TMED3: variants seen among roughly 807,000 people sequenced by gnomAD.
TMED3 encodes transmembrane p24 trafficking protein 3.
A neutral mutation model predicts 15.0 loss-of-function variants in TMED3; 9 were observed. The observed-to-expected ratio is 0.60, with a 90% confidence interval of 0.36 to 1.04. The LOEUF is 1.04. TMED3 is among the 50% of genes least tolerant of loss of function. The pLI is 0.01. For synonymous variants in TMED3, 117 were observed against 121.4 expected, an observed-to-expected ratio of 0.96 and a Z score of 0.24; for missense variants, 267 against 278.9, an observed-to-expected ratio of 0.96 and a Z score of 0.30.
rs2058710752 is a variant in TMED3, at chr15:79,311,188, G to A, written c.-62G>A. The A allele has an allele frequency of 4.6e-6, 7 of 1,514,592 alleles. No individual in the cohort carries two copies. In the Admixed American group the frequency reaches 8.0e-5, roughly 17 times the overall value. 93.8% of individuals were successfully genotyped at this position (1,514,592 alleles called of 1,614,324 possible). ...TCCTAGGACCCGGTCGGTAGTCGTC[G>A]CCCCAGCCCGCCGGGGGCGCAGCGC... On this transcript the variant is annotated 5_prime_UTR_variant, in exon 1 of 3. Transcript: ENST00000299705.
chr15:79,409,138 C>T (rs545229576), intron 2 of TMED3, among the ~76,000 whole-genome samples: 1 of 152,294 alleles, frequency 6.6e-6, no homozygotes, highest in South Asian at 2.1e-4. Context: ...TGCCTGGCAA[C>T]ACATTTCCAA....
chr15:79,350,742 A>G (rs1026914801), intron 2 of TMED3, among the ~76,000 whole-genome samples: 1 of 152,170 alleles, frequency 6.6e-6, no homozygotes, highest in African/African-American at 2.4e-5. Flanking sequence ...AGTCAAGTTG[A>G]CACTCAATAT....
In TMED3 at chr15:79,311,245, G is replaced by C. The variant is rs758848068; in HGVS notation, c.-5G>C. 1 of 1,596,430 alleles carries C rather than the reference G, an allele frequency of 6.3e-7. No individual in the cohort carries two copies. Among genetic ancestry groups the C allele is most frequent in the East Asian group, 2.3e-5 (1 of 44,052 alleles). On this transcript the variant is annotated 5_prime_UTR_variant, in exon 1 of 3. Coordinates refer to ENST00000299705, the MANE Select transcript of TMED3 (RefSeq NM_007364.4). Reference sequence around the variant, plus strand: ...CGCGGCCCTCGAGACGGGACCGAGAGCATCATGGGCAGCACTGTCCCGCGC... The same window carrying C: ...CGCGGCCCTCGAGACGGGACCGAGACCATCATGGGCAGCACTGTCCCGCGC...
intron 2 of TMED3, among the ~76,000 whole-genome samples, chr15:79,333,667 T>G (rs985916669): frequency 6.6e-6 from 1 of 152,210 alleles, no homozygotes; most frequent in African/African-American, 2.4e-5. Context: ...TTCACATGTT[T>G]TGTTGGGCTA....
rs1197675933 is a variant in TMED3 at position 79,322,638 on chromosome 15, G to T, written c.*424G>T. 1 of 991,886 alleles carries T rather than the reference G, an allele frequency of 1.0e-6. No homozygotes were observed. 61.4% of individuals were successfully genotyped at this position (991,886 alleles called of 1,614,324 possible). A position where few individuals can be genotyped will look rare whatever the true frequency, so the allele number is the denominator to read the frequency against. Reference sequence around the variant, plus strand: ...GGAGAAGAAAGGGGCTCTAAGTTCTGGCTCTTCTTTCTTTGGGGTTCTCTG... The same window carrying T: ...GGAGAAGAAAGGGGCTCTAAGTTCTTGCTCTTCTTTCTTTGGGGTTCTCTG... On this transcript the variant is annotated 3_prime_UTR_variant, in exon 3 of 3. Transcript: ENST00000299705.
intron 2 of TMED3, chr15:79,316,162 G>A (rs1261252560): frequency 1.3e-5 from 2 of 152,320 alleles, no homozygotes; most frequent in African/African-American, 4.8e-5. Context: ...CAGAGGCCAT[G>A]GTTTCTGGCA....
chr15:79,340,556 C>T (rs1343559820), intron 2 of TMED3, among the ~76,000 whole-genome samples: 1 of 152,238 alleles, frequency 6.6e-6, no homozygotes, highest in East Asian at 1.9e-4. Flanking sequence ...TGAGATAATT[C>T]GTTATGCAGC....
At chr15:79,360,241 G>A (rs1385737349) in intron 2 of TMED3, among the ~76,000 whole-genome samples, 3 of 152,130 alleles carry the variant, frequency 2.0e-5, no homozygotes, top group Non-Finnish European at 2.9e-5. Flanking sequence ...CAACTGTTGA[G>A]GGTTGAGCTG....
chr15:79,364,032 T>G (rs897480722), intron 2 of TMED3, among the ~76,000 whole-genome samples: 8 of 152,306 alleles, frequency 5.3e-5, no homozygotes, highest in African/African-American at 1.9e-4. Flanking sequence ...GGTTCTTGTC[T>G]CACAACCAGG....
At chr15:79,321,378 C>T (rs1025062170) in intron 2 of TMED3, among the ~76,000 whole-genome samples, 23 of 152,214 alleles carry the variant, frequency 1.5e-4, no homozygotes, top group Admixed American at 6.5e-5. Context: ...GCGTATGTGT[C>T]TATGTAGTGC....
At position 79,331,381 on chromosome 15, in the gene TMED3, A is replaced by T. The variant is rs989431929; in HGVS notation, c.417+17376A>T. ...TGCAGAAGAATGAAAGTAGACCCTT[A>T]TCTTTCACCCAACACAAAAATCCAC... On this transcript the variant is annotated intron_variant, in intron 2 of 2. Coordinates refer to the TMED3 transcript ENST00000424155. Among the ~76,000 whole-genome samples, 15 of 146,324 alleles carry T rather than the reference A, an allele frequency of 1.0e-4. No individual in the cohort carries two copies. In the Admixed American group the frequency reaches 1.1e-3, roughly 10 times the overall value.
At chr15:79,382,471 C>T (rs1319326071) in intron 2 of TMED3, among the ~76,000 whole-genome samples, 1 of 152,236 alleles carries the variant, frequency 6.6e-6, no homozygotes, top group Non-Finnish European at 1.5e-5. Context: ...CCCACATGAG[C>T]CCAATGCCAG....
chr15:79,370,256 A>ATTTTTTTTTTTTTTT (rs398028085), intron 2 of TMED3, among the ~76,000 whole-genome samples: 6 of 104,948 alleles, frequency 5.7e-5, no homozygotes, highest in Non-Finnish European at 9.0e-5. Context: ...TGCCCAGCTA[A>ATTTTTTTTTTTTTTT]TTTTTTTTTT....
At chr15:79,375,830 T>A (rs527674122) in intron 2 of TMED3, among the ~76,000 whole-genome samples, 1 of 152,270 alleles carries the variant, frequency 6.6e-6, no homozygotes, top group East Asian at 1.9e-4. Flanking sequence ...GACACACATC[T>A]GAACTATTCA....
rs768495832 is a variant in TMED3, at chr15:79,382,920, G to T, written c.418-28480G>T. ...ACACAATATAGTCTTTATTCCCATTGACAAAGTCAATTACAAGGGCATAAA... is the reference window on the plus strand; with the variant it reads ...ACACAATATAGTCTTTATTCCCATTTACAAAGTCAATTACAAGGGCATAAA... On this transcript the variant is annotated intron_variant, in intron 2 of 2. Coordinates refer to the TMED3 transcript ENST00000424155. 1.8e-5 allele frequency: 28 copies of T among 1,518,226 alleles called. No individual in the cohort carries two copies. The Admixed American group carries it at 4.1e-4, about 22-fold the overall frequency. The allele number at this position is 1,518,226 out of a possible 1,614,324, so 94.0% of individuals were successfully genotyped here.
intron 2 of TMED3, among the ~76,000 whole-genome samples, chr15:79,360,214 C>T (rs1017930320): frequency 6.6e-6 from 1 of 152,104 alleles, no homozygotes; most frequent in South Asian, 2.1e-4. Context: ...GATGTTGAAT[C>T]CACCTAGAAA....
chr15:79,355,917 C>T (rs949441769), intron 2 of TMED3, among the ~76,000 whole-genome samples: 12 of 152,280 alleles, frequency 7.9e-5, no homozygotes, highest in Non-Finnish European at 1.0e-4. Flanking sequence ...TGTAATTTAC[C>T]GTTTAAGTTT....
chr15:79,391,351 T>A (rs184447861), intron 2 of TMED3, among the ~76,000 whole-genome samples: 2 of 152,282 alleles, frequency 1.3e-5, no homozygotes, highest in East Asian at 3.9e-4. Flanking sequence ...AGGAGCAGGT[T>A]ATCTGATTTA....
chr15:79,406,851 C>T (rs1016215062), intron 2 of TMED3, among the ~76,000 whole-genome samples: 4 of 152,198 alleles, frequency 2.6e-5, no homozygotes, highest in Non-Finnish European at 4.4e-5. Flanking sequence ...ACATCTTTCT[C>T]GTCTCTGACC....
Sources: gnomAD v4.1 joint callset for allele counts (sites outside exome capture counted in the v4.1 genomes callset) on GRCh38, gnomAD v4.1.1 for gene constraint, MANE v1.5 for transcripts, NCBI Gene and HGNC (gene_info 2026-07-23, HGNC 2026-07-21) for gene names.